AARS1: variants seen among roughly 807,000 people sequenced by gnomAD.
AARS1 encodes alanine--tRNA ligase, cytoplasmic.
AARS1 carries 72 observed loss-of-function variants against 108.9 expected under a neutral mutation model. That is an observed-to-expected ratio of 0.66 (90% CI 0.55 to 0.80). The LOEUF is 0.80. Ranked by LOEUF, AARS1 falls within the 30% of genes least tolerant of loss-of-function variation. The probability of loss-of-function intolerance (pLI) is 0.00; values close to 1 mark genes in which losing one functional copy is unlikely to be tolerated. For synonymous variants in AARS1, 489 were observed against 465.7 expected, an observed-to-expected ratio of 1.05 and a Z score of -0.64; for missense variants, 1,193 against 1,233.2, an observed-to-expected ratio of 0.97 and a Z score of 0.49.
intron 2 of AARS1, among the ~76,000 whole-genome samples, chr16:70,277,784 T>C (rs1960585617): frequency 6.7e-6 from 1 of 148,316 alleles, no homozygotes; most frequent in African/African-American, 2.5e-5. Context: ...TTGAGATGGG[T>C]CACTGTCGCC....
Position 70,276,622 on chromosome 16 carries a change from A to G in AARS1, c.343T>C (p.Cys115Arg), listed in dbSNP as rs773582597. ...SFGDYFKELA[C>R]KMALELLTQE... The stretch of plus-strand genomic sequence containing the variant: ...GTGAGGAGTTCCAGAGCCATCTTAC[A>G]TGCCAATTCCTACAAAAAGAACAGA... Residue 115 changes from cysteine to arginine, a missense_variant, in exon 4 of 21, where the codon TGT becomes CGT. Coordinates refer to ENST00000261772, the MANE Select transcript of AARS1 (RefSeq NM_001605.3). 1.8e-5 allele frequency: 29 copies of G among 1,613,920 alleles called. No homozygotes were observed. The highest frequency in any genetic ancestry group is 2.5e-5 in the Non-Finnish European group (29 of 1,180,038).
chr16:70,261,906 C>T (rs1000717047), intron 12 of AARS1, among the ~76,000 whole-genome samples: 2 of 151,982 alleles, frequency 1.3e-5, no homozygotes, highest in Admixed American at 6.6e-5. Context: ...TGACCTCAGG[C>T]GATCCACCCG....
intron 7 of AARS1, among the ~76,000 whole-genome samples, chr16:70,269,262 G>A (rs1960335015): frequency 6.9e-6 from 1 of 144,890 alleles, no homozygotes; most frequent in African/African-American, 2.5e-5. Flanking sequence ...GGAGGTTGCG[G>A]TGAGCCAAGA....
intron 1 of AARS1, among the ~76,000 whole-genome samples, chr16:70,287,795 C>G (rs910106425): frequency 3.3e-5 from 5 of 152,142 alleles, no homozygotes; most frequent in Non-Finnish European, 5.9e-5. Flanking sequence ...CGGTGTTTCG[C>G]TCTTGTAGCC....
At chr16:70,275,955 A>AAAAAAAAAAAAC (rs1960538855) in intron 4 of AARS1, 2 of 149,354 alleles carry the variant, frequency 1.3e-5, no homozygotes, top group African/African-American at 5.0e-5. Flanking sequence ...AAAAAAAAAA[A>AAAAAAAAAAAAC]AAAAAACCAT....
At chr16:70,254,341 G>A in intron 17 of AARS1, 1 of 582,454 alleles carries the variant, frequency 1.7e-6, no homozygotes. Flanking sequence ...CTTGGAAGCA[G>A]GGGCCAGCCT....
intron 20 of AARS1, 125 bp from the exon 21 acceptor site, chr16:70,253,031 G>T: frequency 8.6e-7 from 1 of 1,163,168 alleles, no homozygotes; most frequent in Non-Finnish European, 1.3e-6. Context: ...TGGAGGCCGA[G>T]ACAGACTTTA....
chr16:70,253,283 C>T lies in AARS1; in HGVS notation c.2706G>A (p.Leu902=), dbSNP rs1214694193. The change falls in exon 20 of 21, where the codon CTG becomes CTA. Residue 902 remains leucine, a synonymous_variant. Transcript: ENST00000261772. ...VDNEAGKITC[L]CQVPQNAANR... Reference sequence around the variant, plus strand: ...TGGTGCTGACCTGGGGAACTTGACACAGGCACGTGATCTTGCCAGCCTCAT... The same window carrying T: ...TGGTGCTGACCTGGGGAACTTGACATAGGCACGTGATCTTGCCAGCCTCAT... The T allele has an allele frequency of 3.7e-6, 6 of 1,613,994 alleles. No individual in the cohort carries two copies. The highest frequency in any genetic ancestry group is 1.3e-5 in the African/African-American group (1 of 75,060).
chr16:70,272,778 T>TC (rs1555541815), intron 4 of AARS1, among the ~76,000 whole-genome samples: 14 of 150,066 alleles, frequency 9.3e-5, no homozygotes, highest in African/African-American at 3.4e-4. Flanking sequence ...AAAAATTAGC[T>TC]GGGGGGGTGA....
In AARS1 at chr16:70,252,325, C is replaced by G; in HGVS notation, c.*396G>C. 3 of 340,066 alleles carry G rather than the reference C, an allele frequency of 8.8e-6. No homozygotes were observed. The South Asian group carries it at 9.5e-5, about 11-fold the overall frequency. The allele number at this position is 340,066 out of a possible 1,614,324, so 21.1% of individuals were successfully genotyped here. A position where few individuals can be genotyped will look rare whatever the true frequency, so the allele number is the denominator to read the frequency against. ...GGAGCCACAGCATTTATTCTACAGACGCCAAAGGCTGTCAAAAGAGCCAGC... is the reference window on the plus strand; with the variant it reads ...GGAGCCACAGCATTTATTCTACAGAGGCCAAAGGCTGTCAAAAGAGCCAGC... On this transcript the variant is annotated 3_prime_UTR_variant, in exon 21 of 21. Coordinates refer to ENST00000261772, the MANE Select transcript of AARS1 (RefSeq NM_001605.3).
At chr16:70,261,006 T>A in intron 13 of AARS1, 38 bp downstream of exon 13, 1 of 1,482,930 alleles carries the variant, frequency 6.7e-7, no homozygotes, top group Non-Finnish European at 9.4e-7. Context: ...AGATAATTAC[T>A]AACCAGATCC....
At chr16:70,259,919 T>G (rs1960093880) in intron 13 of AARS1, among the ~76,000 whole-genome samples, 1 of 152,012 alleles carries the variant, frequency 6.6e-6, no homozygotes, top group African/African-American at 2.4e-5. Context: ...ATTACAGGCA[T>G]GCACCACCAC....
In AARS1 at chr16:70,276,643, A is replaced by T; in HGVS notation, c.334-12T>A. The T allele has an allele frequency of 6.2e-7, 1 of 1,613,778 alleles. No homozygotes were observed. Among genetic ancestry groups the T allele is most frequent in the Non-Finnish European group, 8.5e-7 (1 of 1,180,028 alleles). On this transcript the variant is annotated splice_polypyrimidine_tract_variant and intron_variant, in intron 3 of 20. Coordinates refer to ENST00000261772, the MANE Select transcript of AARS1 (RefSeq NM_001605.3). The stretch of plus-strand genomic sequence containing the variant: ...TTACATGCCAATTCCTACAAAAAGA[A>T]CAGAGAGAAAGATATGGAACATTGC...
chr16:70,272,939 C>T (rs908949106), intron 4 of AARS1, among the ~76,000 whole-genome samples: 1 of 136,578 alleles, frequency 7.3e-6, no homozygotes, highest in African/African-American at 3.1e-5. Flanking sequence ...ATTGTGCTTG[C>T]TTATCTTTTA....
intron 1 of AARS1, among the ~76,000 whole-genome samples, chr16:70,288,198 G>A (rs1268131820): frequency 9.8e-5 from 14 of 143,260 alleles, no homozygotes; most frequent in Admixed American, 9.2e-4. Flanking sequence ...CGCCTCCCGG[G>A]TTCACGCCAT....
chr16:70,269,560 GTC>G, intron 7 of AARS1, 56 bp downstream of exon 7: 1 of 1,606,196 alleles, frequency 6.2e-7, no homozygotes. Flanking sequence ...TTCATAAAGA[GTC>G]ACACATAGCA....
At chr16:70,275,539 G>T (rs1057273181) in intron 4 of AARS1, among the ~76,000 whole-genome samples, 1 of 151,774 alleles carries the variant, frequency 6.6e-6, no homozygotes, top group African/African-American at 2.4e-5. Context: ...GAGGCAGGCG[G>T]ATCACGAGGT....
intron 15 of AARS1, 70 bp from the exon 16 acceptor site, chr16:70,255,906 C>A: frequency 7.1e-7 from 1 of 1,415,174 alleles, no homozygotes; most frequent in Non-Finnish European, 9.8e-7. Flanking sequence ...GTCACACTAG[C>A]GGACAAGAGA....
chr16:70,260,149 G>A (rs938735041), intron 13 of AARS1, among the ~76,000 whole-genome samples: 12 of 152,152 alleles, frequency 7.9e-5, no homozygotes, highest in Admixed American at 7.9e-4. Flanking sequence ...TCCAACTATA[G>A]AGCTGAGTAC....
Sources: gnomAD v4.1 joint callset for allele counts (sites outside exome capture counted in the v4.1 genomes callset) on GRCh38, gnomAD v4.1.1 for gene constraint, MANE v1.5 for transcripts, NCBI Gene and HGNC (gene_info 2026-07-23, HGNC 2026-07-21) for gene names.